The following ARHGAP28 variants were observed in gnomAD, a reference collection of about 807,000 sequenced individuals.
The protein encoded by ARHGAP28 is Rho GTPase activating protein 28, also known as rho GTPase-activating protein 28.
ARHGAP28 carries 56 observed loss-of-function variants against 90.7 expected under a neutral mutation model. The ratio of observed to expected loss-of-function variants is 0.62; its 90% CI spans 0.50 to 0.77. The LOEUF is 0.77. Among genes scored for constraint, ARHGAP28 ranks in the 30% least tolerant of loss-of-function variants. The probability of loss-of-function intolerance (pLI) is 0.00; values close to 1 mark genes in which losing one functional copy is unlikely to be tolerated. For missense variants in ARHGAP28, 869 were observed against 900.9 expected, an observed-to-expected ratio of 0.96 and a Z score of 0.45; for synonymous variants, 308 against 323.3, an observed-to-expected ratio of 0.95 and a Z score of 0.51.
At chr18:6,820,381 T>G (rs2056618676) in intron 1 of ARHGAP28, among the ~76,000 whole-genome samples, 1 of 151,982 alleles carries the variant, frequency 6.6e-6, no homozygotes, top group Non-Finnish European at 1.5e-5. Context: ...GAGAGAGAGT[T>G]GGGGGAGGGA....
At chr18:6,812,754 A>G (rs2056565945) in intron 1 of ARHGAP28, among the ~76,000 whole-genome samples, 1 of 152,182 alleles carries the variant, frequency 6.6e-6, no homozygotes, top group African/African-American at 2.4e-5. Context: ...CTATCAAATT[A>G]TTTATTTGAT....
chr18:6,807,924 A>G (rs1301707376), intron 1 of ARHGAP28, among the ~76,000 whole-genome samples: 1 of 152,230 alleles, frequency 6.6e-6, no homozygotes, highest in Non-Finnish European at 1.5e-5. Context: ...CTCCCTAAGC[A>G]ATAAACTGGG....
At chr18:6,875,043 G>C (rs1170244127) in intron 9 of ARHGAP28, 2 of 152,168 alleles carry the variant, frequency 1.3e-5, no homozygotes, top group African/African-American at 4.8e-5. Flanking sequence ...GTTGAAACCA[G>C]CATTGTCTTT....
At chr18:6,826,900 C>T (rs9966975) in intron 2 of ARHGAP28, among the ~76,000 whole-genome samples, 8,841 of 151,952 alleles carry the variant, frequency 0.058, 269 homozygotes, top group African/African-American at 0.076. Context: ...TCAACGAGCA[C>T]TCTGCCTTCA....
At chr18:6,824,579 G>A (rs913392638) in intron 1 of ARHGAP28, among the ~76,000 whole-genome samples, 183 bp from the exon 2 acceptor site, 4 of 151,896 alleles carry the variant, frequency 2.6e-5, no homozygotes, top group African/African-American at 9.7e-5. Context: ...AAAGTATAGA[G>A]AATTTTTTTA....
At chr18:6,760,865 G>T (rs2056153579) in intron 1 of ARHGAP28, among the ~76,000 whole-genome samples, 1 of 152,062 alleles carries the variant, frequency 6.6e-6, no homozygotes, top group Non-Finnish European at 1.5e-5. Flanking sequence ...TACTTTCCTG[G>T]ATTCATTTCA....
intron 4 of ARHGAP28, among the ~76,000 whole-genome samples, chr18:6,857,641 A>C (rs1454230041): frequency 2.0e-5 from 3 of 152,076 alleles, no homozygotes; most frequent in Admixed American, 6.5e-5. Flanking sequence ...CCCCTCCCCC[A>C]GTCCCGTCTA....
In ARHGAP28 at chr18:6,863,885, C is replaced by T. The variant is rs185020107; in HGVS notation, c.726+3988C>T. On this transcript the variant is annotated intron_variant, in intron 5 of 17. Coordinates refer to ENST00000383472, the MANE Select transcript of ARHGAP28 (RefSeq NM_001366230.1). Reference sequence around the variant, plus strand: ...GCAACCTCCACTTCCTGGGTTCAAGCGATTGTCCTTCCTCAGCCTCCTGAG... The same window carrying T: ...GCAACCTCCACTTCCTGGGTTCAAGTGATTGTCCTTCCTCAGCCTCCTGAG... Among the ~76,000 whole-genome samples the T allele has an allele frequency of 2.7e-3, 411 of 150,560 alleles. 2 individuals are homozygous for T. Among genetic ancestry groups the T allele is most frequent in the African/African-American group, 8.0e-3 (326 of 40,942 alleles).
At chr18:6,770,721 T>G (rs7228467) in intron 1 of ARHGAP28, among the ~76,000 whole-genome samples, 1 of 151,980 alleles carries the variant, frequency 6.6e-6, no homozygotes, top group Non-Finnish European at 1.5e-5. Context: ...CTTTAATTAT[T>G]CAATTAAAAA....
chr18:6,787,589 A>C (rs955841270), intron 1 of ARHGAP28, among the ~76,000 whole-genome samples: 1 of 152,208 alleles, frequency 6.6e-6, no homozygotes, highest in African/African-American at 2.4e-5. Context: ...ACAATATAGC[A>C]TAATGCCTGT....
intron 11 of ARHGAP28, 73 bp downstream of exon 11, chr18:6,882,372 G>T: frequency 1.4e-6 from 2 of 1,429,958 alleles, no homozygotes; most frequent in South Asian, 1.4e-5. Flanking sequence ...GAGAGATGCT[G>T]AATCAAATGT....
chr18:6,904,419 A>G lies in ARHGAP28; in HGVS notation c.2031-4541A>G, dbSNP rs192498351. Reference sequence around the variant, plus strand: ...AAAAATGAATAAATAAATAAAATTTAAAAAATAAAATTATGTGGGATGCAG... The same window carrying G: ...AAAAATGAATAAATAAATAAAATTTGAAAAATAAAATTATGTGGGATGCAG... On this transcript the variant is annotated intron_variant, in intron 16 of 17. Coordinates refer to ENST00000383472, the MANE Select transcript of ARHGAP28 (RefSeq NM_001366230.1). 2.0e-5 allele frequency among the ~76,000 whole-genome samples: 3 copies of G among 152,310 alleles called. No individual in the cohort carries two copies. The East Asian group carries it at 5.8e-4, about 29-fold the overall frequency.
At chr18:6,850,583 A>G (rs2056902247) in intron 3 of ARHGAP28, among the ~76,000 whole-genome samples, 1 of 152,230 alleles carries the variant, frequency 6.6e-6, no homozygotes, top group Non-Finnish European at 1.5e-5. Flanking sequence ...CACATGCACC[A>G]TGTCCATGCT....
chr18:6,793,126 A>G, intron 1 of ARHGAP28, among the ~76,000 whole-genome samples: 1 of 152,218 alleles, frequency 6.6e-6, no homozygotes, highest in South Asian at 2.1e-4. Context: ...TGACTGGGGC[A>G]AGTGATTTGA....
chr18:6,863,754 C>G (rs2057015940), intron 5 of ARHGAP28, among the ~76,000 whole-genome samples: 2 of 149,900 alleles, frequency 1.3e-5, no homozygotes, highest in Admixed American at 1.3e-4. Context: ...CCTCCAAAGC[C>G]TGATATCATT....
chr18:6,807,205 A>G (rs144556909), intron 1 of ARHGAP28, among the ~76,000 whole-genome samples: 16 of 152,094 alleles, frequency 1.1e-4, no homozygotes, highest in African/African-American at 3.6e-4. Context: ...AGATGTCAGT[A>G]TTTTCGCTGG....
At chr18:6,862,146 A>G (rs917465363) in intron 5 of ARHGAP28, among the ~76,000 whole-genome samples, 16 of 152,154 alleles carry the variant, frequency 1.1e-4, no homozygotes, top group Non-Finnish European at 5.9e-5. Context: ...ACTGATGCCA[A>G]GTTATTGCTT....
In ARHGAP28 at chr18:6,913,088, G is replaced by A. The variant is rs766157030; in HGVS notation, c.*934G>A. 5 of 152,182 alleles carry A rather than the reference G, an allele frequency of 3.3e-5. No homozygotes were observed. The highest frequency in any genetic ancestry group is 7.3e-5 in the Non-Finnish European group (5 of 68,038). 9.4% of individuals were successfully genotyped at this position (152,182 alleles called of 1,614,324 possible). A position where few individuals can be genotyped will look rare whatever the true frequency, so the allele number is the denominator to read the frequency against. On this transcript the variant is annotated 3_prime_UTR_variant, in exon 18 of 18. Coordinates refer to ENST00000383472, the MANE Select transcript of ARHGAP28 (RefSeq NM_001366230.1). ...ATGCAGAACTGCTTTATCCAAGAAT[G>A]CTGAAAAATACTGTTCTATCCAGGT...
chr18:6,774,813 T>C (rs1258556166), intron 1 of ARHGAP28, among the ~76,000 whole-genome samples: 1 of 152,186 alleles, frequency 6.6e-6, no homozygotes, highest in African/African-American at 2.4e-5. Flanking sequence ...CCTACACCTA[T>C]GGTGGGGACC....
Sources: gnomAD v4.1 joint callset for allele counts (sites outside exome capture counted in the v4.1 genomes callset) on GRCh38, gnomAD v4.1.1 for gene constraint, MANE v1.5 for transcripts, NCBI Gene and HGNC (gene_info 2026-07-23, HGNC 2026-07-21) for gene names.